The following PAK4 variants were observed in gnomAD, a reference collection of about 807,000 sequenced individuals.
PAK4 encodes the protein serine/threonine-protein kinase PAK 4.
In PAK4, 49 loss-of-function variants were observed where a neutral mutation model predicts 53.5. The ratio of observed to expected loss-of-function variants is 0.92; its 90% CI spans 0.73 to 1.16. The LOEUF is 1.16. Among genes scored for constraint, PAK4 ranks in the 50% most tolerant of loss-of-function variants. PAK4 has a pLI of 0.00. For missense variants in PAK4, 824 were observed against 850.7 expected, an observed-to-expected ratio of 0.97 and a Z score of 0.39; for synonymous variants, 376 against 375.6, an observed-to-expected ratio of 1.00 and a Z score of -0.01.
At chr19:39,138,742 C>T (rs1038509153) in intron 1 of PAK4, among the ~76,000 whole-genome samples, 5 of 152,220 alleles carry the variant, frequency 3.3e-5, no homozygotes, top group African/African-American at 1.2e-4. Context: ...AGAAAGGAGG[C>T]TGTAATTTTC....
Position 39,161,668 on chromosome 19 carries a change from G to A in PAK4, c.-22-7864G>A, listed in dbSNP as rs1284065302. Among the ~76,000 whole-genome samples the A allele has an allele frequency of 1.3e-5, 2 of 151,900 alleles. No individual in the cohort carries two copies. Among genetic ancestry groups the A allele is most frequent in the Admixed American group, 6.6e-5 (1 of 15,250 alleles). ...AGACCCCTGCAACTCCGTCTCACTC[G>A]GGAAAGGACCAGGCCCTCCCGGTGG... On this transcript the variant is annotated intron_variant, in intron 1 of 8. Coordinates refer to ENST00000358301, the Ensembl canonical transcript of PAK4. This position sits in a 1 kb window ranked among gnomAD's most constrained non-coding sequence, Gnocchi z 4.5.
chr19:39,173,037 C>T lies in PAK4; in HGVS notation c.324C>T (p.Pro108=), dbSNP rs55711468. ...TGCGGAGAGACAGCCCGCCGCCGCC[C>T]GCCCGTGCCCGCCAGGAAAATGGGA... is the stretch of plus-strand genomic sequence containing the variant. Residue 108 remains proline (P), a synonymous_variant, in exon 3 of 9, where the codon CCC becomes CCT. Coordinates refer to ENST00000358301, the Ensembl canonical transcript of PAK4. This position sits in a 1 kb window ranked among gnomAD's most constrained non-coding sequence, Gnocchi z 6.9. 30 of 1,548,952 alleles carry T rather than the reference C, an allele frequency of 1.9e-5. No homozygotes were observed. The East Asian group carries it at 2.0e-4, about 10-fold the overall frequency.
At chr19:39,169,884 C>T in intron 2 of PAK4, 127 bp downstream of exon 3, 1 of 697,544 alleles carries the variant, frequency 1.4e-6, no homozygotes, top group Non-Finnish European at 2.4e-6. Flanking sequence ...CAAACCCCAG[C>T]CTTCCACCCC....
At chr19:39,163,346 G>T (rs1447536869) in intron 1 of PAK4, among the ~76,000 whole-genome samples, 1 of 152,210 alleles carries the variant, frequency 6.6e-6, no homozygotes, top group Non-Finnish European at 1.5e-5. Context: ...TTCTGGGTGG[G>T]CCAGCCCCCT....
At chr19:39,167,604 G>C (rs1283545274) in intron 1 of PAK4, among the ~76,000 whole-genome samples, 1 of 152,158 alleles carries the variant, frequency 6.6e-6, no homozygotes, top group Non-Finnish European at 1.5e-5. Context: ...GGCCAACCCT[G>C]GGAGCCTTGG....
At chr19:39,172,775 C>T (rs1487239223) in intron 2 of PAK4, 143 bp from the exon 4 acceptor site, 9 of 731,980 alleles carry the variant, frequency 1.2e-5, no homozygotes, top group Non-Finnish European at 1.8e-5. Context: ...CTGCCCATGC[C>T]ATTGTCACTC....
chr19:39,135,640 G>A (rs536420747), intron 1 of PAK4, among the ~76,000 whole-genome samples: 3 of 149,810 alleles, frequency 2.0e-5, no homozygotes, highest in East Asian at 3.9e-4. Context: ...CTGCCCAAGC[G>A]TGTATTCTTT....
chr19:39,126,461 GC>G (rs1209244061), intron 1 of PAK4, among the ~76,000 whole-genome samples: 21 of 36,102 alleles, frequency 5.8e-4, no homozygotes, highest in African/African-American at 1.6e-3. Context: ...GGGGGGGGGG[GC>G]CGGGTCAGAG....
At chr19:39,136,755 T>TTGAC (rs111308126) in intron 1 of PAK4, among the ~76,000 whole-genome samples, 24 of 152,292 alleles carry the variant, frequency 1.6e-4, no homozygotes, top group South Asian at 2.1e-4. Flanking sequence ...TAAATGCTGG[T>TTGAC]TGACTGACTG....
chr19:39,173,364 C>A lies in PAK4; in HGVS notation c.651C>A (p.Ser217=). ...CGAGGGCTGACACGGACCACCCATCCCGGGGTGCCCAGGTAACCCATCCCC... is the reference window on the plus strand; with the variant it reads ...CGAGGGCTGACACGGACCACCCATCACGGGGTGCCCAGGTAACCCATCCCC... The change falls in exon 3 of 9, where the codon TCC becomes TCA. Residue 217 remains serine, a synonymous_variant. Transcript: ENST00000358301. The surrounding 1 kb of genome is among the most constrained non-coding windows in gnomAD (Gnocchi z 6.9). The A allele has an allele frequency of 6.5e-7, 1 of 1,533,060 alleles. No individual in the cohort carries two copies. 95.0% of individuals were successfully genotyped at this position (1,533,060 alleles called of 1,614,324 possible).
chr19:39,134,565 TG>T (rs751092993), intron 1 of PAK4, among the ~76,000 whole-genome samples: 7 of 151,988 alleles, frequency 4.6e-5, no homozygotes, highest in Non-Finnish European at 8.8e-5. Flanking sequence ...GTGTGCTGAG[TG>T]TATCTGTAGT....
intron 1 of PAK4, 131 bp from the exon 3 acceptor site, chr19:39,169,401 G>A: frequency 1.5e-6 from 1 of 683,856 alleles, no homozygotes; most frequent in South Asian, 1.8e-5. Context: ...GGGTGGGCAG[G>A]GAGACCCAGA....
Position 39,178,971 on chromosome 19 carries a change from T to C in PAK4, c.*392T>C, listed in dbSNP as rs1255279430. ...GCGTGTGAGTGTGCATGTGTGTGTG[T>C]GCAAAGGTCCAGCCACCCCGTCCTC... On this transcript the variant is annotated 3_prime_UTR_variant, in exon 9 of 9. Transcript: ENST00000358301. This position sits in a 1 kb window ranked among gnomAD's most constrained non-coding sequence, Gnocchi z 4.4. 1 of 160,058 alleles carries C rather than the reference T, an allele frequency of 6.2e-6. No individual in the cohort carries two copies. The allele number at this position is 160,058 out of a possible 1,614,324, so 9.9% of individuals were successfully genotyped here.
At chr19:39,144,149 T>C (rs56019732) in intron 1 of PAK4, among the ~76,000 whole-genome samples, 42,340 of 128,460 alleles carry the variant, frequency 0.33, 6,384 homozygotes, top group East Asian at 0.46. Context: ...GACAGATAGA[T>C]AGATAGATAG....
In PAK4 at chr19:39,178,751, C is replaced by T. The variant is rs377438234; in HGVS notation, c.*172C>T. On this transcript the variant is annotated 3_prime_UTR_variant, in exon 9 of 9. Coordinates refer to ENST00000358301, the Ensembl canonical transcript of PAK4. This position sits in a 1 kb window ranked among gnomAD's most constrained non-coding sequence, Gnocchi z 4.4. ...TACTACTGAACTCCAGTTTTGATCTCGTGACTTTTAGAAAAACACAGGGAC... is the reference window on the plus strand; with the variant it reads ...TACTACTGAACTCCAGTTTTGATCTTGTGACTTTTAGAAAAACACAGGGAC... 2.2e-5 allele frequency: 12 copies of T among 558,092 alleles called. No individual in the cohort carries two copies. The highest frequency in any genetic ancestry group is 1.2e-4 in the African/African-American group (6 of 50,214). The allele number at this position is 558,092 out of a possible 1,614,324, so 34.6% of individuals were successfully genotyped here.
intron 1 of PAK4, among the ~76,000 whole-genome samples, chr19:39,148,862 T>C (rs536560797): frequency 1.4e-4 from 22 of 152,242 alleles, no homozygotes; most frequent in Middle Eastern, 3.4e-3. Flanking sequence ...CTTCTTTTTT[T>C]CCCCCGTTTG....
intron 1 of PAK4, among the ~76,000 whole-genome samples, chr19:39,158,128 C>T (rs770883935): frequency 1.5e-4 from 23 of 148,756 alleles, no homozygotes; most frequent in South Asian, 4.3e-4. Flanking sequence ...TGAGTGCGTG[C>T]GTGCATGTGT....
At chr19:39,154,738 C>G (rs747098138) in intron 1 of PAK4, among the ~76,000 whole-genome samples, 1 of 152,196 alleles carries the variant, frequency 6.6e-6, no homozygotes, top group Non-Finnish European at 1.5e-5. Flanking sequence ...CCAAACCTGC[C>G]CGTCTGGTTT....
At chr19:39,135,190 TTTTA>T (rs1329666286) in intron 1 of PAK4, 1 of 152,110 alleles carries the variant, frequency 6.6e-6, no homozygotes, top group Non-Finnish European at 1.5e-5. Context: ...CTTGGAACAT[TTTTA>T]TTCTTTTTTC....
Sources: gnomAD v4.1 joint callset for allele counts (sites outside exome capture counted in the v4.1 genomes callset) on GRCh38, gnomAD v4.1.1 for gene constraint, Gnocchi (gnomAD v3.1) non-coding constraint, MANE v1.5 for transcripts, NCBI Gene and HGNC (gene_info 2026-07-23, HGNC 2026-07-21) for gene names.